ABHD2: variants seen among roughly 807,000 people sequenced by gnomAD.
ABHD2 encodes abhydrolase domain containing 2, acylglycerol lipase.
ABHD2 carries 20 observed loss-of-function variants against 48.1 expected under a neutral mutation model. That is an observed-to-expected ratio of 0.42 (90% confidence interval 0.29 to 0.60). The LOEUF is 0.60. ABHD2 is among the 20% of genes least tolerant of loss of function. The pLI, the probability that ABHD2 is intolerant of heterozygous loss-of-function variation, is 0.24. For synonymous variants in ABHD2, 209 were observed against 214.2 expected, an observed-to-expected ratio of 0.98 and a Z score of 0.21; for missense variants, 405 against 550.9, an observed-to-expected ratio of 0.74 and a Z score of 2.65.
At chr15:89,134,550 G>A (rs1397699133) in intron 3 of ABHD2, among the ~76,000 whole-genome samples, 1 of 152,142 alleles carries the variant, frequency 6.6e-6, no homozygotes, top group Admixed American at 6.5e-5. Context: ...TGTGGGCAGT[G>A]GGGCGATGCT....
At chr15:89,053,615 A>G in the ABHD2 span, among the ~76,000 whole-genome samples, 1 of 152,232 alleles carries the variant, frequency 6.6e-6, no homozygotes, top group Non-Finnish European at 1.5e-5. Context: ...CACAGGAGGC[A>G]CTAAGCAGAG....
intron 3 of ABHD2, among the ~76,000 whole-genome samples, chr15:89,128,031 T>A (rs2050163902): frequency 6.6e-6 from 1 of 152,174 alleles, no homozygotes; most frequent in Admixed American, 6.5e-5. Flanking sequence ...TCTGAGAGGC[T>A]TAAGGACAGA....
chr15:89,079,347 T>C, the ABHD2 span, among the ~76,000 whole-genome samples: 9 of 152,338 alleles, frequency 5.9e-5, no homozygotes, highest in South Asian at 1.5e-3. This position sits in a 1 kb window ranked among gnomAD's most constrained non-coding sequence, Gnocchi z 4.3. Context: ...AAACCCTTTT[T>C]GGAAAAAGCA....
rs562266304 is a variant in ABHD2, at chr15:89,185,882, G to T, written c.815+366G>T. Among the ~76,000 whole-genome samples, 1 of 152,218 alleles carries T rather than the reference G, an allele frequency of 6.6e-6. No homozygotes were observed. Among genetic ancestry groups the T allele is most frequent in the African/African-American group, 2.4e-5 (1 of 41,552 alleles). Reference sequence around the variant, plus strand: ...CTTGGGAGGCTGAGGCAGGAGAGTCGCTTGAACCCAGGAGGCGGAGGCTGC... The same window carrying T: ...CTTGGGAGGCTGAGGCAGGAGAGTCTCTTGAACCCAGGAGGCGGAGGCTGC... On this transcript the variant is annotated intron_variant, in intron 7 of 10. Coordinates refer to ENST00000352732, the MANE Select transcript of ABHD2 (RefSeq NM_152924.5). This position sits in a 1 kb window ranked among gnomAD's most constrained non-coding sequence, Gnocchi z 5.9.
chr15:89,062,287 G>A, the ABHD2 span, among the ~76,000 whole-genome samples: 2 of 152,006 alleles, frequency 1.3e-5, no homozygotes, highest in African/African-American at 4.8e-5. Flanking sequence ...AAGGTTGTTC[G>A]GGCATTCGGG....
the ABHD2 span, among the ~76,000 whole-genome samples, chr15:89,042,751 A>G: frequency 6.7e-6 from 1 of 150,322 alleles, no homozygotes; most frequent in African/African-American, 2.5e-5. Context: ...GGTTCAAGTG[A>G]CTCTCATGCC....
chr15:89,070,213 C>T, the ABHD2 span: 1 of 152,200 alleles, frequency 6.6e-6, no homozygotes, highest in South Asian at 2.1e-4. Flanking sequence ...GATTTTTCTT[C>T]AAACTCCTCC....
chr15:89,185,611 G>GAA lies in ABHD2; in HGVS notation c.815+105_815+106dup. Reference sequence around the variant, plus strand: ...AGCCAGGACTCCTGTTCCTTCAGGGGAAAAAAAAAAATGCAGGTGTGGTAC... The same window carrying GAA: ...AGCCAGGACTCCTGTTCCTTCAGGGGAAAAAAAAAAAAATGCAGGTGTGGTAC... On this transcript the variant is annotated intron_variant, in intron 7 of 10. Coordinates refer to ENST00000352732, the MANE Select transcript of ABHD2 (RefSeq NM_152924.5). The surrounding 1 kb of genome is among the most constrained non-coding windows in gnomAD (Gnocchi z 5.9). 38 of 841,754 alleles carry GAA rather than the reference G, an allele frequency of 4.5e-5. No individual in the cohort carries two copies. Among genetic ancestry groups the GAA allele is most frequent in the African/African-American group, 1.1e-4 (6 of 55,582 alleles). 52.1% of individuals were successfully genotyped at this position (841,754 alleles called of 1,614,324 possible). A position where few individuals can be genotyped will look rare whatever the true frequency, so the allele number is the denominator to read the frequency against.
At position 89,162,898 on chromosome 15, in the gene ABHD2, G is replaced by C. The variant is rs563667133; in HGVS notation, c.538+7364G>C. On this transcript the variant is annotated intron_variant, in intron 5 of 10. Transcript: ENST00000352732. The stretch of plus-strand genomic sequence containing the variant: ...TTCCCCAGTGTCTAGAATCCTGCTT[G>C]GACCCTAGAAAGCATTCACTGCATC... Among the ~76,000 whole-genome samples, 6 of 152,264 alleles carry C rather than the reference G, an allele frequency of 3.9e-5. No individual in the cohort carries two copies. The South Asian group carries it at 1.2e-3, about 32-fold the overall frequency.
intron 3 of ABHD2, among the ~76,000 whole-genome samples, chr15:89,141,277 A>G (rs965198542): frequency 6.6e-6 from 1 of 152,128 alleles, no homozygotes; most frequent in Non-Finnish European, 1.5e-5. Context: ...CACCACACCC[A>G]GCCTGACAGT....
the ABHD2 span, among the ~76,000 whole-genome samples, chr15:89,077,040 G>T: frequency 6.6e-6 from 1 of 152,086 alleles, no homozygotes; most frequent in Admixed American, 6.5e-5. Context: ...AAAAGTACAT[G>T]AATCATAAGT....
Position 89,189,085 on chromosome 15 carries a change from C to T in ABHD2, c.926+782C>T, listed in dbSNP as rs2051261874. 6.6e-6 allele frequency among the ~76,000 whole-genome samples: 1 copy of T among 152,188 alleles called. No individual in the cohort carries two copies. The highest frequency in any genetic ancestry group is 2.1e-4 in the South Asian group (1 of 4,834). On this transcript the variant is annotated intron_variant, in intron 8 of 10. Coordinates refer to ENST00000352732, the MANE Select transcript of ABHD2 (RefSeq NM_152924.5). The surrounding 1 kb of genome is among the most constrained non-coding windows in gnomAD (Gnocchi z 4.9). Reference sequence around the variant, plus strand: ...GAGGTTGCAGCCTTGACAGTGGCCTCTTTCCTGGTTCCAGTAGTTTCTGAT... The same window carrying T: ...GAGGTTGCAGCCTTGACAGTGGCCTTTTTCCTGGTTCCAGTAGTTTCTGAT...
intron 3 of ABHD2, among the ~76,000 whole-genome samples, chr15:89,129,853 T>C (rs1319391001): frequency 2.0e-5 from 3 of 151,996 alleles, no homozygotes; most frequent in African/African-American, 7.2e-5. Flanking sequence ...GTGTAAGAGT[T>C]CAGTAAATAT....
At chr15:89,066,406 C>G in the ABHD2 span, among the ~76,000 whole-genome samples, 3 of 152,174 alleles carry the variant, frequency 2.0e-5, no homozygotes, top group African/African-American at 7.2e-5. Context: ...ATCTCCTCCT[C>G]CTTTCTCTTA....
intron 3 of ABHD2, among the ~76,000 whole-genome samples, chr15:89,123,286 G>A (rs1297840608): frequency 6.6e-6 from 1 of 152,166 alleles, no homozygotes; most frequent in Non-Finnish European, 1.5e-5. Flanking sequence ...CATCTCCGGT[G>A]GTTTTCCCTT....
the ABHD2 span, among the ~76,000 whole-genome samples, chr15:89,057,641 G>C: frequency 1.3e-5 from 2 of 152,294 alleles, no homozygotes; most frequent in East Asian, 3.9e-4. Flanking sequence ...GGCAGGCCCC[G>C]TTGGGCTCAC....
chr15:89,176,400 T>G lies in ABHD2; in HGVS notation c.722+405T>G, dbSNP rs1463491636. ...CTTGGGATCCCAGATCCCTCCTTCC[T>G]GCAAGAGATGAGTCCCAGATGGCAT... On this transcript the variant is annotated intron_variant, in intron 6 of 10. Transcript: ENST00000352732. The surrounding 1 kb of genome is among the most constrained non-coding windows in gnomAD (Gnocchi z 4.5). Among the ~76,000 whole-genome samples, 7 of 152,176 alleles carry G rather than the reference T, an allele frequency of 4.6e-5. No individual in the cohort carries two copies. Among genetic ancestry groups the G allele is most frequent in the Non-Finnish European group, 8.8e-5 (6 of 68,030 alleles).
At chr15:89,089,168 G>A (rs1411225225) in intron 1 of ABHD2, among the ~76,000 whole-genome samples, 3 of 152,270 alleles carry the variant, frequency 2.0e-5, no homozygotes, top group African/African-American at 7.2e-5. Flanking sequence ...CTGCCTGCCA[G>A]GCCGGGCAGC....
At position 89,188,174 on chromosome 15, in the gene ABHD2, G is replaced by A; in HGVS notation, c.816-19G>A. 6.2e-7 allele frequency: 1 copy of A among 1,606,030 alleles called. No individual in the cohort carries two copies. Among genetic ancestry groups the A allele is most frequent in the Non-Finnish European group, 8.5e-7 (1 of 1,172,650 alleles). On this transcript the variant is annotated intron_variant, in intron 7 of 10. Coordinates refer to ENST00000352732, the MANE Select transcript of ABHD2 (RefSeq NM_152924.5). This position sits in a 1 kb window ranked among gnomAD's most constrained non-coding sequence, Gnocchi z 4.1. ...ATCCTCCACATCTTAATCTCTGTTT[G>A]CTTTTGTGTTTGCTCTAGGCAAGCT...
Sources: gnomAD v4.1 joint callset for allele counts (sites outside exome capture counted in the v4.1 genomes callset) on GRCh38, gnomAD v4.1.1 for gene constraint, Gnocchi (gnomAD v3.1) non-coding constraint, MANE v1.5 for transcripts, NCBI Gene and HGNC (gene_info 2026-07-23, HGNC 2026-07-21) for gene names.